The following PCSK2 variants were observed in gnomAD, a reference collection of about 807,000 sequenced individuals.
PCSK2 encodes neuroendocrine convertase 2.
A neutral mutation model predicts 69.7 loss-of-function variants in PCSK2; 14 were observed. The ratio of observed to expected loss-of-function variants is 0.20; its 90% CI spans 0.13 to 0.31. The LOEUF is 0.31. Ranked by LOEUF, PCSK2 falls within the 10% of genes least tolerant of loss-of-function variation. The pLI is 1.00. For synonymous variants in PCSK2, 307 were observed against 320.7 expected (o/e 0.96, Z 0.46); for missense variants, 544 against 842.5 (o/e 0.65, Z 4.39).
At position 17,481,601 on chromosome 20, in the gene PCSK2, G is replaced by T. The variant is rs534508900; in HGVS notation, c.1448G>T (p.Gly483Val). 1.3e-4 allele frequency: 215 copies of T among 1,613,762 alleles called. 1 individual carries two copies. In the South Asian group the frequency reaches 1.9e-3, roughly 14 times the overall value. The change falls in exon 12 of 12, where the codon GGC becomes GTC. Residue 483 changes from glycine (G) to valine (V), a missense_variant. Coordinates refer to ENST00000262545, the MANE Select transcript of PCSK2 (RefSeq NM_002594.5). ...GCCCTCAGGAAAATACCATCCACTGGCAAGTTGGTGCTGACACTCACAACC... is the reference window on the plus strand; with the variant it reads ...GCCCTCAGGAAAATACCATCCACTGTCAAGTTGGTGCTGACACTCACAACC... ...VQDPEKIPSTGKLVLTLTTDA... is the reference protein window; with the variant it reads ...VQDPEKIPSTVKLVLTLTTDA...
intron 5 of PCSK2, among the ~76,000 whole-genome samples, chr20:17,372,278 C>T (rs566953721): frequency 2.0e-5 from 3 of 152,136 alleles, no homozygotes; most frequent in African/African-American, 7.2e-5. Context: ...ACTCAGGAGG[C>T]TGAGGCAGGA....
At chr20:17,429,359 A>G in intron 6 of PCSK2, 76 bp from the exon 7 acceptor site, 1 of 1,013,064 alleles carries the variant, frequency 9.9e-7, no homozygotes. Context: ...TGTTCCAAAG[A>G]GAATTTTGAG....
intron 7 of PCSK2, among the ~76,000 whole-genome samples, chr20:17,433,835 C>T (rs1333450317): frequency 2.5e-5 from 2 of 79,742 alleles, no homozygotes; most frequent in Non-Finnish European, 5.5e-5. Flanking sequence ...TTCCCTCCTC[C>T]TCCTCCCCCC....
At chr20:17,355,794 C>G (rs992613916) in intron 2 of PCSK2, among the ~76,000 whole-genome samples, 8 of 152,120 alleles carry the variant, frequency 5.3e-5, no homozygotes, top group Admixed American at 2.0e-4. Flanking sequence ...CACACTCCCC[C>G]CAGTGACTGC....
chr20:17,286,323 T>G (rs1387279428), intron 2 of PCSK2, among the ~76,000 whole-genome samples: 1 of 152,232 alleles, frequency 6.6e-6, no homozygotes, highest in Non-Finnish European at 1.5e-5. Flanking sequence ...AGATGTCTCT[T>G]GAATAAAAGG....
At chr20:17,332,846 T>A (rs530825530) in intron 2 of PCSK2, among the ~76,000 whole-genome samples, 3 of 152,314 alleles carry the variant, frequency 2.0e-5, no homozygotes, top group African/African-American at 7.2e-5. Context: ...TTTATTTTAC[T>A]ATATATGCAA....
intron 5 of PCSK2, among the ~76,000 whole-genome samples, chr20:17,404,602 T>C (rs2031713706): frequency 6.6e-6 from 1 of 152,216 alleles, no homozygotes; most frequent in Admixed American, 6.5e-5. Flanking sequence ...AGGAGCAAGC[T>C]TCAAACTCCC....
chr20:17,387,912 T>A (rs1427541639), intron 5 of PCSK2, among the ~76,000 whole-genome samples: 1 of 152,152 alleles, frequency 6.6e-6, no homozygotes, highest in Non-Finnish European at 1.5e-5. Flanking sequence ...GAGTACTCGG[T>A]GATATAAATG....
chr20:17,450,528 A>G lies in PCSK2; in HGVS notation c.886-3214A>G, dbSNP rs535864686. 7.9e-5 allele frequency among the ~76,000 whole-genome samples: 12 copies of G among 152,314 alleles called. No individual in the cohort carries two copies. In the South Asian group the frequency reaches 2.5e-3, roughly 32 times the overall value. ...ACGGGTTATGGTTTAGATGTGAGCC[A>G]TAGTTGTTCTGTCTCGATTTCTGCC... is the stretch of plus-strand genomic sequence containing the variant. On this transcript the variant is annotated intron_variant, in intron 8 of 11. Coordinates refer to ENST00000262545, the MANE Select transcript of PCSK2 (RefSeq NM_002594.5).
chr20:17,397,541 A>G (rs1235366026), intron 5 of PCSK2, among the ~76,000 whole-genome samples: 1 of 151,612 alleles, frequency 6.6e-6, no homozygotes. Context: ...GTGCAGTGGC[A>G]TGATCTCGGC....
Position 17,310,077 on chromosome 20 carries a change from G to A in PCSK2, c.283-48250G>A, listed in dbSNP as rs535403540. 3.3e-5 allele frequency among the ~76,000 whole-genome samples: 5 copies of A among 152,114 alleles called. No homozygotes were observed. In the East Asian group the frequency reaches 5.8e-4, roughly 18 times the overall value. ...CAGGCATCTTCCAAATCAGGAGCAG[G>A]AGCAAGAGAAAGAGCAAGGGGGGAG... is the stretch of plus-strand genomic sequence containing the variant. On this transcript the variant is annotated intron_variant, in intron 2 of 11. Transcript: ENST00000262545.
chr20:17,427,681 A>G (rs1158958061), intron 6 of PCSK2, among the ~76,000 whole-genome samples: 1 of 152,178 alleles, frequency 6.6e-6, no homozygotes, highest in African/African-American at 2.4e-5. Context: ...ATTGATCTGG[A>G]CCAGGCTAGG....
In PCSK2 at chr20:17,259,459, CA is replaced by C. The variant is rs1244506039; in HGVS notation, c.178-779del. On this transcript the variant is annotated intron_variant, in intron 1 of 11. Transcript: ENST00000262545. ...GCCCAGAGAGGAAACCACTTGCCCA[CA>C]ATCATACTGATGGTAACAGACCTGA... 2.6e-5 allele frequency among the ~76,000 whole-genome samples: 4 copies of C among 152,300 alleles called. No individual in the cohort carries two copies. In the East Asian group the frequency reaches 7.7e-4, roughly 29 times the overall value.
intron 1 of PCSK2, among the ~76,000 whole-genome samples, chr20:17,233,112 C>T (rs547905854): frequency 6.6e-6 from 1 of 152,124 alleles, no homozygotes; most frequent in Admixed American, 6.6e-5. Flanking sequence ...GTCCCCAATA[C>T]ACCTCTTGTG....
chr20:17,374,882 T>C (rs1487953663), intron 5 of PCSK2, among the ~76,000 whole-genome samples: 2 of 152,148 alleles, frequency 1.3e-5, no homozygotes, highest in South Asian at 2.1e-4. Flanking sequence ...CAGAGTTGCA[T>C]GTGCTGACAG....
At chr20:17,449,975 C>T (rs2032787503) in intron 8 of PCSK2, among the ~76,000 whole-genome samples, 1 of 136,182 alleles carries the variant, frequency 7.3e-6, no homozygotes, top group Non-Finnish European at 1.6e-5. Flanking sequence ...TTATTTAGCA[C>T]TTCCTTAGCT....
At chr20:17,358,859 G>A (rs1036402220) in intron 3 of PCSK2, among the ~76,000 whole-genome samples, 3 of 152,156 alleles carry the variant, frequency 2.0e-5, no homozygotes, top group Non-Finnish European at 4.4e-5. Flanking sequence ...CTTTGCAAGG[G>A]GCTAGCAAGA....
At chr20:17,456,097 G>C (rs769746345) in intron 9 of PCSK2, among the ~76,000 whole-genome samples, 1 of 151,974 alleles carries the variant, frequency 6.6e-6, no homozygotes, top group Non-Finnish European at 1.5e-5. Flanking sequence ...AAAATTAGCC[G>C]GGCATGGTGG....
intron 3 of PCSK2, among the ~76,000 whole-genome samples, chr20:17,358,905 T>C (rs139104041): frequency 2.6e-5 from 4 of 152,344 alleles, no homozygotes; most frequent in East Asian, 1.9e-4. Context: ...AGAGCATCTA[T>C]TAATGCTTCC....
Sources: allele counts gnomAD v4.1 joint callset (sites outside exome capture counted in the v4.1 genomes callset), GRCh38; gene constraint gnomAD v4.1.1; transcripts MANE v1.5; gene names NCBI Gene and HGNC (gene_info 2026-07-23, HGNC 2026-07-21).